SLC19A2: variants seen among roughly 807,000 people sequenced by gnomAD.
SLC19A2 encodes solute carrier family 19 member 2.
SLC19A2 carries 27 observed loss-of-function variants against 44.7 expected under a neutral mutation model. The ratio of observed to expected loss-of-function variants is 0.60; its 90% confidence interval spans 0.45 to 0.83. The LOEUF is 0.83. SLC19A2 is among the 40% of genes least tolerant of loss of function. The probability of loss-of-function intolerance (pLI) is 0.00; values close to 1 mark genes in which losing one functional copy is unlikely to be tolerated. For missense variants in SLC19A2, 566 were observed against 613.7 expected (o/e 0.92, Z 0.82); for synonymous variants, 239 against 243.6 (o/e 0.98, Z 0.18).
At chr1:169,470,901 A>G (rs983953119) in intron 2 of SLC19A2, among the ~76,000 whole-genome samples, 2 of 152,110 alleles carry the variant, frequency 1.3e-5, no homozygotes, top group African/African-American at 2.4e-5. Flanking sequence ...AATCTACCAA[A>G]GGTTACTGTA....
At chr1:169,484,787 A>G (rs1289904310) in intron 1 of SLC19A2, among the ~76,000 whole-genome samples, 1 of 152,214 alleles carries the variant, frequency 6.6e-6, no homozygotes, top group Non-Finnish European at 1.5e-5. Flanking sequence ...ACTCTTGATG[A>G]TGGACTACGT....
chr1:169,468,900 A>C, intron 3 of SLC19A2, 64 bp from the exon 4 acceptor site: 1 of 1,437,898 alleles, frequency 7.0e-7, no homozygotes, highest in South Asian at 1.2e-5. Flanking sequence ...ATAAATTAAA[A>C]ACTCAGCTTA....
intron 2 of SLC19A2, among the ~76,000 whole-genome samples, chr1:169,475,562 AAAG>A (rs1393414764): frequency 6.6e-6 from 1 of 152,202 alleles, no homozygotes; most frequent in Admixed American, 6.5e-5. Flanking sequence ...CAAAACAGAT[AAAG>A]AAGTGTCTTT....
chr1:169,485,718 T>C lies in SLC19A2; in HGVS notation c.49A>G (p.Thr17Ala), dbSNP rs1157134066. Residue 17 changes from threonine (T) to alanine (A), a missense_variant, in exon 1 of 6, where the codon ACT (threonine) becomes GCT (alanine). Coordinates refer to ENST00000236137, the MANE Select transcript of SLC19A2 (RefSeq NM_006996.3). ...ACCCGAGCGGTCCGCAGGAGCACAG[T>C]GGCCGCCGCCGCCGCCGCCCGCCGA... Reference protein sequence around the residue: ...VSRRAAAAAATVLLRTARVRR... With the variant: ...VSRRAAAAAAAVLLRTARVRR... 7.2e-6 allele frequency: 11 copies of C among 1,537,982 alleles called. No individual in the cohort carries two copies. Among genetic ancestry groups the C allele is most frequent in the Non-Finnish European group, 6.1e-6 (7 of 1,145,470 alleles).
At position 169,477,165 on chromosome 1, in the gene SLC19A2, A is replaced by T; in HGVS notation, c.797T>A (p.Val266Glu). The change falls in exon 2 of 6, where the codon GTG becomes GAG. Residue 266 changes from valine (V) to glutamate (E), a missense_variant. Val to Glu is a moderately radical substitution (Grantham distance 121). Transcript: ENST00000236137. ...KIPLNMEEPP[V>E]EEPEPKPDRL... ...TAAGGCTGAGCTTACCGGTTCCTCC[A>T]CGGGAGGCTCCTCCATATTTAGAGG... 1 of 1,613,636 alleles carries T rather than the reference A, an allele frequency of 6.2e-7. No homozygotes were observed. The highest frequency in any genetic ancestry group is 8.5e-7 in the Non-Finnish European group (1 of 1,179,888).
In SLC19A2 at chr1:169,477,628, A is replaced by G. The variant is rs1169422753; in HGVS notation, c.334T>C (p.Trp112Arg). The part of the protein sequence containing the change: ...LLQGLSLIVT[W>R]FMLLYAQGLL... ...CCCTGGGCATAGAGCAGCATAAACCATGTAACAATAAGGCTGAGCCCCTGC... is the reference window on the plus strand; with the variant it reads ...CCCTGGGCATAGAGCAGCATAAACCGTGTAACAATAAGGCTGAGCCCCTGC... The change falls in exon 2 of 6, where the codon TGG (tryptophan) becomes CGG (arginine). Residue 112 changes from tryptophan to arginine, a missense_variant. Trp to Arg is a moderately radical substitution (Grantham distance 101). Transcript: ENST00000236137. 6.2e-7 allele frequency: 1 copy of G among 1,614,188 alleles called. No homozygotes were observed. Among genetic ancestry groups the G allele is most frequent in the Non-Finnish European group, 8.5e-7 (1 of 1,180,008 alleles).
chr1:169,477,869 A>T, intron 1 of SLC19A2, 112 bp from the exon 2 acceptor site: 2 of 1,052,528 alleles, frequency 1.9e-6, no homozygotes, highest in Non-Finnish European at 2.8e-6. Flanking sequence ...AAAGATCTCA[A>T]CCTTGACAAC....
intron 1 of SLC19A2, among the ~76,000 whole-genome samples, chr1:169,485,111 C>T (rs2101786881): frequency 6.6e-6 from 1 of 152,354 alleles, no homozygotes; most frequent in South Asian, 2.1e-4. Context: ...GGACAGGAAG[C>T]AGGTGAAGGA....
chr1:169,480,069 CT>C (rs1391409569), intron 1 of SLC19A2, among the ~76,000 whole-genome samples: 1 of 152,222 alleles, frequency 6.6e-6, no homozygotes, highest in Non-Finnish European at 1.5e-5. Flanking sequence ...GCAAGCTCCA[CT>C]TGATCAGGAA....
intron 2 of SLC19A2, among the ~76,000 whole-genome samples, chr1:169,470,396 C>G (rs1658142298): frequency 6.6e-6 from 1 of 152,130 alleles, no homozygotes; most frequent in Non-Finnish European, 1.5e-5. Flanking sequence ...AGCATTAACA[C>G]AGCTGTATGT....
chr1:169,471,214 T>C (rs945792283), intron 2 of SLC19A2, among the ~76,000 whole-genome samples: 3 of 152,074 alleles, frequency 2.0e-5, no homozygotes, highest in African/African-American at 4.8e-5. Context: ...TACTATAAAA[T>C]GTATACGTAC....
intron 1 of SLC19A2, among the ~76,000 whole-genome samples, chr1:169,478,703 G>A (rs552401241): frequency 1.3e-5 from 2 of 151,692 alleles, no homozygotes; most frequent in African/African-American, 4.8e-5. Flanking sequence ...TGATCTATAT[G>A]CATCAGTTTC....
chr1:169,471,771 C>T (rs1218970171), intron 2 of SLC19A2, among the ~76,000 whole-genome samples: 1 of 151,236 alleles, frequency 6.6e-6, no homozygotes, highest in African/African-American at 2.4e-5. Flanking sequence ...TATACAGTAA[C>T]AGTGACCATC....
At chr1:169,485,517 A>C in intron 1 of SLC19A2, 46 bp downstream of exon 1, 4 of 1,546,394 alleles carry the variant, frequency 2.6e-6, no homozygotes, top group Non-Finnish European at 2.6e-6. Flanking sequence ...GCCCACCCGC[A>C]GGCCGGTCGC....
At position 169,476,977 on chromosome 1, in the gene SLC19A2, T is replaced by C. The variant is rs376529560; in HGVS notation, c.807+178A>G. On this transcript the variant is annotated intron_variant, in intron 2 of 5. Coordinates refer to ENST00000236137, the MANE Select transcript of SLC19A2 (RefSeq NM_006996.3). Reference sequence around the variant, plus strand: ...GAAAAAATAAATGTGTCATCCCTAATATAAATAAACCATAGCTTGAATGAA... The same window carrying C: ...GAAAAAATAAATGTGTCATCCCTAACATAAATAAACCATAGCTTGAATGAA... Among the ~76,000 whole-genome samples, 8 of 152,220 alleles carry C rather than the reference T, an allele frequency of 5.3e-5. No individual in the cohort carries two copies. The South Asian group carries it at 1.7e-3, about 32-fold the overall frequency.
At chr1:169,467,050 C>T (rs955087584) in intron 5 of SLC19A2, among the ~76,000 whole-genome samples, 3 of 152,252 alleles carry the variant, frequency 2.0e-5, no homozygotes, top group Admixed American at 2.0e-4. Context: ...TCCTATTATT[C>T]CACGTGTTTA....
intron 1 of SLC19A2, among the ~76,000 whole-genome samples, chr1:169,484,891 A>C (rs896966545): frequency 6.6e-6 from 1 of 152,226 alleles, no homozygotes; most frequent in Non-Finnish European, 1.5e-5. Context: ...ACAATTCGCA[A>C]TACAAGAAAC....
chr1:169,480,237 T>C (rs539762970), intron 1 of SLC19A2, among the ~76,000 whole-genome samples: 6 of 152,358 alleles, frequency 3.9e-5, no homozygotes, highest in African/African-American at 1.4e-4. Flanking sequence ...AAGGGTAATC[T>C]TGAGATTTCC....
chr1:169,469,077 C>G (rs1015291864), intron 3 of SLC19A2: 6 of 516,260 alleles, frequency 1.2e-5, no homozygotes, highest in African/African-American at 9.6e-5. Flanking sequence ...AAATGCAGGA[C>G]AAAGACACAG....
Sources: gnomAD v4.1 joint callset for allele counts (sites outside exome capture counted in the v4.1 genomes callset) on GRCh38, gnomAD v4.1.1 for gene constraint, MANE v1.5 for transcripts, NCBI Gene and HGNC (gene_info 2026-07-23, HGNC 2026-07-21) for gene names.